Variants in MAML3 observed in about 807,000 individuals in gnomAD.
MAML3 encodes mastermind like transcriptional coactivator 3.
Under a neutral mutation model 101.9 loss-of-function variants are expected in MAML3, and 27 were observed. The observed-to-expected ratio is 0.27, with a 90% CI of 0.20 to 0.37. The LOEUF (loss-of-function observed/expected upper bound fraction) is 0.37. MAML3 is among the 10% of genes least tolerant of loss of function. The pLI is 1.00. For synonymous variants in MAML3, 501 were observed against 555.9 expected, an observed-to-expected ratio of 0.90 and a Z score of 1.39; for missense variants, 1,316 against 1,444.9, an observed-to-expected ratio of 0.91 and a Z score of 1.45.
chr4:139,992,591 T>A (rs1437890623), intron 1 of MAML3, among the ~76,000 whole-genome samples: 1 of 152,178 alleles, frequency 6.6e-6, no homozygotes, highest in Non-Finnish European at 1.5e-5. Flanking sequence ...AGTGGTGCGA[T>A]CTCAGCTCAC....
chr4:139,779,915 T>C (rs1730167610), intron 2 of MAML3, among the ~76,000 whole-genome samples: 1 of 152,186 alleles, frequency 6.6e-6, no homozygotes, highest in Non-Finnish European at 1.5e-5. Flanking sequence ...CAGTCTTCGT[T>C]ATGTTGTAGG....
intron 1 of MAML3, among the ~76,000 whole-genome samples, chr4:140,049,670 T>G (rs1408335067): frequency 8.0e-6 from 1 of 125,210 alleles, no homozygotes; most frequent in Non-Finnish European, 1.7e-5. Flanking sequence ...CATGTTGCCT[T>G]CCTTTTTTTT....
At chr4:140,134,168 A>T in intron 1 of MAML3, 1 of 456,706 alleles carries the variant, frequency 2.2e-6, no homozygotes, top group Non-Finnish European at 4.4e-6. Context: ...TCTTGCTTCC[A>T]TTTCTTAAAG....
Position 139,877,772 on chromosome 4 carries a change from T to C in MAML3, c.2079+11585A>G, listed in dbSNP as rs187651024. ...AAACTGGAAATATAAAACAGAAGAA[T>C]AAGATAAATAATAGCAAAGTAAATT... On this transcript the variant is annotated intron_variant, in intron 2 of 4. Coordinates refer to ENST00000509479, the MANE Select transcript of MAML3 (RefSeq NM_018717.5). Among the ~76,000 whole-genome samples the C allele has an allele frequency of 9.2e-5, 14 of 152,306 alleles. No homozygotes were observed. The East Asian group carries it at 2.3e-3, about 25-fold the overall frequency.
chr4:139,798,488 G>T (rs4863689), intron 2 of MAML3, among the ~76,000 whole-genome samples: 2 of 152,008 alleles, frequency 1.3e-5, no homozygotes, highest in African/African-American at 4.8e-5. Flanking sequence ...GTACCACACT[G>T]GCCCACCTTC....
intron 1 of MAML3, among the ~76,000 whole-genome samples, chr4:139,999,187 A>G (rs1446449230): frequency 6.6e-6 from 1 of 152,140 alleles, no homozygotes; most frequent in Non-Finnish European, 1.5e-5. Context: ...TCCAACCACA[A>G]CTGCAACCTC....
intron 2 of MAML3, among the ~76,000 whole-genome samples, chr4:139,828,643 G>A (rs1320699787): frequency 2.0e-5 from 3 of 150,966 alleles, no homozygotes. Context: ...CAATGACAGT[G>A]TGGAGTAGGC....
intron 1 of MAML3, among the ~76,000 whole-genome samples, chr4:140,149,482 T>C (rs1200671736): frequency 6.6e-6 from 1 of 152,182 alleles, no homozygotes; most frequent in Admixed American, 6.5e-5. Context: ...TTCTTGTAAA[T>C]GTGTAAGATA....
At chr4:139,954,528 G>T (rs889851385) in intron 1 of MAML3, among the ~76,000 whole-genome samples, 1 of 152,172 alleles carries the variant, frequency 6.6e-6, no homozygotes, top group African/African-American at 2.4e-5. Flanking sequence ...TGCACGGAGT[G>T]GGGAATAAGC....
In MAML3 at chr4:139,814,621, CA is replaced by C. The variant is rs1321117278; in HGVS notation, c.2079+74735del. Among the ~76,000 whole-genome samples, 5 of 152,240 alleles carry C rather than the reference CA, an allele frequency of 3.3e-5. No homozygotes were observed. The South Asian group carries it at 6.2e-4, about 19-fold the overall frequency. ...ACGAACTGTAATGAACTGTGTGGTTCAGATACTTTTTGGTACAGCTACGATA... is the reference window on the plus strand; with the variant it reads ...ACGAACTGTAATGAACTGTGTGGTTCGATACTTTTTGGTACAGCTACGATA... On this transcript the variant is annotated intron_variant, in intron 2 of 4. Coordinates refer to ENST00000509479, the MANE Select transcript of MAML3 (RefSeq NM_018717.5).
intron 1 of MAML3, among the ~76,000 whole-genome samples, chr4:139,924,179 A>G (rs1733178669): frequency 6.6e-6 from 1 of 152,224 alleles, no homozygotes; most frequent in South Asian, 2.1e-4. Context: ...TGCTTCTATA[A>G]TGTCATTCTA....
At chr4:140,063,649 C>T (rs1727485926) in intron 1 of MAML3, among the ~76,000 whole-genome samples, 1 of 152,174 alleles carries the variant, frequency 6.6e-6, no homozygotes, top group Non-Finnish European at 1.5e-5. Context: ...TTAAAACACA[C>T]ATCATCTTCT....
chr4:139,992,224 ATATTT>A (rs1056712228), intron 1 of MAML3, among the ~76,000 whole-genome samples: 1 of 152,154 alleles, frequency 6.6e-6, no homozygotes, highest in African/African-American at 2.4e-5. Context: ...TGGCTGTATC[ATATTT>A]TATTTACTAG....
chr4:139,961,777 C>T (rs1734019140), intron 1 of MAML3, among the ~76,000 whole-genome samples: 1 of 152,012 alleles, frequency 6.6e-6, no homozygotes. Context: ...AATGAGTCTC[C>T]AAATAAAGTA....
intron 2 of MAML3, among the ~76,000 whole-genome samples, chr4:139,833,754 T>G (rs1432526112): frequency 6.6e-6 from 1 of 152,056 alleles, no homozygotes; most frequent in Non-Finnish European, 1.5e-5. Context: ...GGTTGTGGCT[T>G]GGGGATAGAC....
chr4:139,952,006 A>G (rs1369265512), intron 1 of MAML3, among the ~76,000 whole-genome samples: 2 of 152,176 alleles, frequency 1.3e-5, no homozygotes, highest in Non-Finnish European at 2.9e-5. Flanking sequence ...TCTACTAAAA[A>G]TACAAAAAAT....
intron 2 of MAML3, among the ~76,000 whole-genome samples, chr4:139,816,047 C>T (rs10004391): frequency 0.015 from 2,236 of 152,192 alleles, 61 homozygotes; most frequent in African/African-American, 0.051. Context: ...AGCTCTGAGA[C>T]CTAGAAATGG....
At chr4:140,065,569 C>T (rs1727521562) in intron 1 of MAML3, among the ~76,000 whole-genome samples, 1 of 152,174 alleles carries the variant, frequency 6.6e-6, no homozygotes, top group South Asian at 2.1e-4. Flanking sequence ...TGCTGACCTT[C>T]ACCACTTGTC....
intron 2 of MAML3, among the ~76,000 whole-genome samples, chr4:139,820,609 T>C (rs961076851): frequency 3.3e-5 from 5 of 152,234 alleles, no homozygotes; most frequent in Admixed American, 1.3e-4. Flanking sequence ...TTATTTACAT[T>C]CTCACTTGTT....
Sources: gnomAD v4.1 joint callset for allele counts (sites outside exome capture counted in the v4.1 genomes callset) on GRCh38, gnomAD v4.1.1 for gene constraint, MANE v1.5 for transcripts, NCBI Gene and HGNC (gene_info 2026-07-23, HGNC 2026-07-21) for gene names.